The following TMLHE variants were observed in gnomAD, a reference collection of about 807,000 sequenced individuals.
The protein encoded by TMLHE is trimethyllysine dioxygenase, mitochondrial.
A neutral mutation model predicts 25.7 loss-of-function variants in TMLHE; 18 were observed. The ratio of observed to expected loss-of-function variants is 0.70; its 90% CI spans 0.48 to 1.04. The LOEUF is 1.04. Ranked by LOEUF, TMLHE falls within the 50% of genes least tolerant of loss-of-function variation. The pLI is 0.00. For missense variants in TMLHE, 236 were observed against 259.0 expected (o/e 0.91, Z 0.61); for synonymous variants, 105 against 97.0 (o/e 1.08, Z -0.49).
At chrX:155,548,524 AGCAGTATGAGG>A (rs1569562085) in intron 1 of TMLHE, among the ~76,000 whole-genome samples, 4 of 108,446 alleles carry the variant, frequency 3.7e-5, no homozygotes, top group Non-Finnish European at 7.6e-5. Flanking sequence ...TCACAAGGTC[AGCAGTATGAGG>A]CCAGCCTGAC....
intron 2 of TMLHE, among the ~76,000 whole-genome samples, chrX:155,532,330 G>A (rs1267495486): frequency 6.3e-5 from 7 of 111,836 alleles, no homozygotes; most frequent in Non-Finnish European, 1.1e-4. Flanking sequence ...GGCAACTTAC[G>A]TCCTGCAGAA....
intron 2 of TMLHE, among the ~76,000 whole-genome samples, chrX:155,536,188 G>A (rs1243892729): frequency 9.0e-6 from 1 of 111,337 alleles, no homozygotes; most frequent in Non-Finnish European, 1.9e-5. Flanking sequence ...CCACAAGACT[G>A]TGAGTATCTT....
intron 3 of TMLHE, among the ~76,000 whole-genome samples, chrX:155,515,823 C>T (rs1557334808): frequency 1.8e-5 from 2 of 109,882 alleles, no homozygotes; most frequent in African/African-American, 6.6e-5. Flanking sequence ...TTTTGTAATG[C>T]CTGTTTCAGA....
intron 2 of TMLHE, among the ~76,000 whole-genome samples, chrX:155,527,583 C>CA (rs67032728): frequency 9.1e-6 from 1 of 109,432 alleles, no homozygotes; most frequent in Admixed American, 9.7e-5. Context: ...AAAAAAATTA[C>CA]AAAAAAAACA....
chrX:155,529,787 A>T (rs2067239446), intron 2 of TMLHE, among the ~76,000 whole-genome samples: 1 of 112,010 alleles, frequency 8.9e-6, no homozygotes, highest in Non-Finnish European at 1.9e-5. Flanking sequence ...TATTTTTCCT[A>T]ATCTCTAGGA....
chrX:155,529,118 C>T (rs1469997051), intron 2 of TMLHE, among the ~76,000 whole-genome samples: 2 of 111,609 alleles, frequency 1.8e-5, no homozygotes, highest in Admixed American at 1.9e-4. Flanking sequence ...CTAACTAAAG[C>T]TCAGAGATGC....
At chrX:155,606,815 A>AAC (rs1557347862) in intron 1 of TMLHE, among the ~76,000 whole-genome samples, 2 of 107,373 alleles carry the variant, frequency 1.9e-5, no homozygotes, top group Non-Finnish European at 3.9e-5. Flanking sequence ...AAAAAAAAAA[A>AAC]CCCCATCAGA....
intron 3 of TMLHE, 145 bp downstream of exon 3, chrX:155,524,311 A>G: frequency 2.0e-6 from 1 of 489,290 alleles, no homozygotes; most frequent in East Asian, 3.8e-5. Context: ...AGAGAAAAAT[A>G]AAATGTTTCA....
chrX:155,547,716 TAA>T (rs200315899), intron 1 of TMLHE, among the ~76,000 whole-genome samples: 14 of 101,130 alleles, frequency 1.4e-4, no homozygotes, highest in Admixed American at 3.2e-4. Flanking sequence ...AAACTGATTG[TAA>T]AAAAAAAAAA....
chrX:155,510,967 T>C (rs1471056163), intron 5 of TMLHE, among the ~76,000 whole-genome samples: 4 of 110,437 alleles, frequency 3.6e-5, no homozygotes, highest in African/African-American at 9.8e-5. Context: ...TGGTATCTCA[T>C]TGTGGTTTTG....
intron 6 of TMLHE, among the ~76,000 whole-genome samples, chrX:155,505,888 T>A (rs2067073360): frequency 9.0e-6 from 1 of 111,215 alleles, no homozygotes; most frequent in African/African-American, 3.3e-5. Context: ...CAGTAACAGT[T>A]TGCTTGGAAT....
intron 1 of TMLHE, among the ~76,000 whole-genome samples, chrX:155,610,030 T>C (rs781993870): frequency 3.0e-4 from 34 of 112,208 alleles, no homozygotes; most frequent in African/African-American, 9.7e-4. Flanking sequence ...ATTCCACTCA[T>C]AGGTGTTTAA....
chrX:155,609,230 C>T (rs1557348120), intron 1 of TMLHE, among the ~76,000 whole-genome samples: 1 of 111,871 alleles, frequency 8.9e-6, no homozygotes, highest in African/African-American at 3.3e-5. Context: ...AGATCATGTC[C>T]TTGGCAACAA....
At chrX:155,578,077 G>C (rs1557344042) in intron 1 of TMLHE, among the ~76,000 whole-genome samples, 1 of 111,555 alleles carries the variant, frequency 9.0e-6, no homozygotes, top group Admixed American at 9.5e-5. Context: ...GGAGATGGGG[G>C]AGGCCTGGCA....
chrX:155,515,860 T>C (rs1303152919), intron 3 of TMLHE, among the ~76,000 whole-genome samples: 3 of 110,788 alleles, frequency 2.7e-5, no homozygotes, highest in East Asian at 5.7e-4. Flanking sequence ...TTGTTACATA[T>C]TGTCTATAGC....
chrX:155,528,205 G>C (rs1417321344), intron 2 of TMLHE, among the ~76,000 whole-genome samples: 7 of 110,346 alleles, frequency 6.3e-5, no homozygotes, highest in Non-Finnish European at 1.3e-4. Flanking sequence ...TATTGTTAAA[G>C]TTATACTAGA....
intron 1 of TMLHE, chrX:155,611,497 C>T (rs1337663024): frequency 1.8e-5 from 2 of 111,012 alleles, no homozygotes; most frequent in Non-Finnish European, 3.8e-5. Context: ...AAATACAGAA[C>T]AAATGGTGGT....
intron 4 of TMLHE, among the ~76,000 whole-genome samples, chrX:155,513,373 A>T (rs2124339050): frequency 9.0e-6 from 1 of 111,671 alleles, no homozygotes; most frequent in South Asian, 3.8e-4. Context: ...CCTGGGCAAG[A>T]CACTTGGTAT....
intron 1 of TMLHE, among the ~76,000 whole-genome samples, chrX:155,604,973 G>T (rs2067778553): frequency 9.0e-6 from 1 of 111,579 alleles, no homozygotes; most frequent in African/African-American, 3.3e-5. Flanking sequence ...GAAAGAACCA[G>T]CACAAGAACT....
Sources: allele counts gnomAD v4.1 joint callset (sites outside exome capture counted in the v4.1 genomes callset), GRCh38; gene constraint gnomAD v4.1.1; transcripts MANE v1.5; gene names NCBI Gene and HGNC (gene_info 2026-07-23, HGNC 2026-07-21).